The following OR4Q3 variants were observed in gnomAD, a reference collection of about 807,000 sequenced individuals.
The protein encoded by OR4Q3 is olfactory receptor 4Q3.
A neutral mutation model predicts 18.8 loss-of-function variants in OR4Q3; 17 were observed. The observed-to-expected ratio is 0.91, with a 90% CI of 0.62 to 1.36. The LOEUF is 1.36. OR4Q3 is among the 40% of genes most tolerant of loss of function. OR4Q3 has a pLI of 0.00. For synonymous variants in OR4Q3, 158 were observed against 145.8 expected (o/e 1.08, Z -0.60); for missense variants, 378 against 373.4 (o/e 1.01, Z -0.10).
chr14:19,750,662 T>A, downstream of OR4Q3, among the ~76,000 whole-genome samples: 2 of 152,352 alleles, frequency 1.3e-5, no homozygotes, highest in Non-Finnish European at 2.9e-5. Flanking sequence ...GTATTTTTAT[T>A]TTTGTGTTGG....
At chr14:19,746,983 A>C in intron 1 of OR4Q3, among the ~76,000 whole-genome samples, 1 of 152,222 alleles carries the variant, frequency 6.6e-6, no homozygotes, top group Non-Finnish European at 1.5e-5. Flanking sequence ...ACTGTGCATT[A>C]AATTGAATAA....
chr14:19,751,437 A>G, downstream of OR4Q3, among the ~76,000 whole-genome samples: 1 of 152,078 alleles, frequency 6.6e-6, no homozygotes, highest in East Asian at 1.9e-4. Context: ...TTTTTTTGGG[A>G]ATAGTTTCAG....
exon 2 of OR4Q3, chr14:19,748,544 A>T: frequency 1.7e-6 from 1 of 587,570 alleles, no homozygotes; most frequent in Non-Finnish European, 2.9e-6. Flanking sequence ...CACTCTAGAA[A>T]GCCACCTATG....
At position 19,748,184 on chromosome 14, in the gene OR4Q3, G is replaced by T; in HGVS notation, c.781G>T (p.Val261Leu). The T allele has an allele frequency of 8.1e-5, 130 of 1,613,930 alleles. No homozygotes were observed. The highest frequency in any genetic ancestry group is 6.6e-4 in the Middle Eastern group (4 of 6,080). The change falls in exon 2 of 2, where the codon GTG (valine) becomes TTG (leucine). Residue 261 changes from valine (V) to leucine (L), a missense_variant. Val to Leu is a conservative substitution (Grantham distance 32, BLOSUM62 1). Coordinates refer to ENST00000642117, the Ensembl canonical transcript of OR4Q3. ...CCTGACAGTGGTCAGCCTGATCTTC[G>T]TGCCATGCGTATTCATCTATTTGAG...
chr14:19,752,281 G>T, downstream of OR4Q3, among the ~76,000 whole-genome samples: 5 of 152,178 alleles, frequency 3.3e-5, no homozygotes, highest in East Asian at 3.8e-4. Context: ...TCTGACAAAG[G>T]TCTAATATCC....
intron 1 of OR4Q3, among the ~76,000 whole-genome samples, chr14:19,744,319 C>T (rs1243272378): frequency 6.6e-6 from 1 of 152,146 alleles, no homozygotes; most frequent in South Asian, 2.1e-4. Flanking sequence ...AAATTTCCTC[C>T]TCTAATAATG....
Position 19,748,497 on chromosome 14 carries a change from TG to T in OR4Q3, c.*130del. 6.9e-6 allele frequency: 5 copies of T among 726,510 alleles called. No homozygotes were observed. In the African/African-American group the frequency reaches 9.0e-5, roughly 13 times the overall value. 45.0% of individuals were successfully genotyped at this position (726,510 alleles called of 1,614,324 possible). On this transcript the variant is annotated 3_prime_UTR_variant, in exon 2 of 2. Transcript: ENST00000642117. ...AGAGGAGATAGCATAAAGATTATAA[TG>T]GATCACTCTTGATTACAATTTAAAA... is the stretch of plus-strand genomic sequence containing the variant.
chr14:19,748,512 T>G, exon 2 of OR4Q3: 1 of 690,578 alleles, frequency 1.4e-6, no homozygotes, highest in South Asian at 2.1e-5. Context: ...CACTCTTGAT[T>G]ACAATTTAAA....
chr14:19,747,269 A>T, intron 1 of OR4Q3, 137 bp from the exon 2 acceptor site: 4 of 422,442 alleles, frequency 9.5e-6, no homozygotes, highest in Non-Finnish European at 1.2e-5. Flanking sequence ...TCAATATAAG[A>T]GTGTACTGCC....
downstream of OR4Q3, among the ~76,000 whole-genome samples, chr14:19,750,192 C>T: frequency 0.01 from 1,565 of 151,970 alleles, 11 homozygotes; most frequent in African/African-American, 0.036. Context: ...TCCATGTTGG[C>T]CAGACTGGTC....
intron 1 of OR4Q3, among the ~76,000 whole-genome samples, chr14:19,746,404 G>A: frequency 7.9e-5 from 12 of 152,136 alleles, no homozygotes; most frequent in African/African-American, 2.9e-4. Flanking sequence ...CAATATCTTA[G>A]CAAATCTTCT....
At chr14:19,744,627 C>T (rs1428923622) in intron 1 of OR4Q3, among the ~76,000 whole-genome samples, 2 of 152,128 alleles carry the variant, frequency 1.3e-5, no homozygotes, top group South Asian at 2.1e-4. Flanking sequence ...ATTTTTTTGG[C>T]TCATTTTGTG....
At chr14:19,745,935 G>A in intron 1 of OR4Q3, among the ~76,000 whole-genome samples, 19,175 of 149,390 alleles carry the variant, frequency 0.13, 563 homozygotes, top group South Asian at 0.23. Flanking sequence ...CAGATGAAGA[G>A]GATGGTCACA....
chr14:19,744,774 C>T, intron 1 of OR4Q3, among the ~76,000 whole-genome samples: 2 of 152,138 alleles, frequency 1.3e-5, no homozygotes, highest in East Asian at 1.9e-4. Context: ...GCTTTCCAAG[C>T]CCTGCAGGGC....
downstream of OR4Q3, among the ~76,000 whole-genome samples, chr14:19,751,317 T>A: frequency 2.0e-5 from 3 of 152,240 alleles, no homozygotes; most frequent in Non-Finnish European, 4.4e-5. Flanking sequence ...TCTATGTTCA[T>A]CAGGATATTG....
At chr14:19,744,443 C>G in intron 1 of OR4Q3, among the ~76,000 whole-genome samples, 1 of 152,136 alleles carries the variant, frequency 6.6e-6, no homozygotes, top group East Asian at 1.9e-4. Flanking sequence ...AAATTTTACT[C>G]CTTTTCTTCA....
chr14:19,744,987 CT>C, intron 1 of OR4Q3, among the ~76,000 whole-genome samples: 2 of 152,108 alleles, frequency 1.3e-5, no homozygotes, highest in Non-Finnish European at 1.5e-5. Context: ...AGGGAGCTTT[CT>C]ATATTGTTTA....
chr14:19,749,833 A>C, downstream of OR4Q3, among the ~76,000 whole-genome samples: 1 of 129,724 alleles, frequency 7.7e-6, no homozygotes, highest in Non-Finnish European at 1.6e-5. Context: ...TATTTATCCC[A>C]ATTATACAGA....
chr14:19,748,747 G>C, exon 2 of OR4Q3: 1 of 194,506 alleles, frequency 5.1e-6, no homozygotes, highest in African/African-American at 2.4e-5. Flanking sequence ...AGTTCCTCCA[G>C]CATTTAATGA....
Sources: allele counts gnomAD v4.1 joint callset (sites outside exome capture counted in the v4.1 genomes callset), GRCh38; gene constraint gnomAD v4.1.1; transcripts MANE v1.5; gene names NCBI Gene and HGNC (gene_info 2026-07-23, HGNC 2026-07-21).